Variants in MAMDC2 observed in about 807,000 individuals in gnomAD.
MAMDC2 encodes the protein MAM domain containing 2, also known as MAM domain-containing protein 2.
A neutral mutation model predicts 89.8 loss-of-function variants in MAMDC2; 57 were observed. The observed-to-expected ratio is 0.63, with a 90% CI of 0.51 to 0.79. The LOEUF (loss-of-function observed/expected upper bound fraction) is 0.79, where lower values mean the gene tolerates loss of function less well. Among genes scored for constraint, MAMDC2 ranks in the 30% least tolerant of loss-of-function variants. The pLI is 0.00. For synonymous variants in MAMDC2, 313 were observed against 293.4 expected (o/e 1.07, Z -0.68); for missense variants, 800 against 820.6 (o/e 0.97, Z 0.31).
intron 2 of MAMDC2, among the ~76,000 whole-genome samples, chr9:70,063,419 G>T (rs748834410): frequency 2.6e-5 from 4 of 152,140 alleles, no homozygotes; most frequent in African/African-American, 7.2e-5. Context: ...AATGAGAGAT[G>T]GAGTGAGCAT....
At chr9:70,074,883 T>A (rs1041147388) in intron 2 of MAMDC2, among the ~76,000 whole-genome samples, 2 of 152,246 alleles carry the variant, frequency 1.3e-5, no homozygotes, top group African/African-American at 4.8e-5. Flanking sequence ...CCTTGAATTA[T>A]GTAGCCTGTC....
At chr9:70,201,822 T>A (rs931175593) in intron 11 of MAMDC2, among the ~76,000 whole-genome samples, 1 of 145,168 alleles carries the variant, frequency 6.9e-6, no homozygotes, top group Non-Finnish European at 1.5e-5. Context: ...TTCTTCTAGA[T>A]TTTCTAGTTT....
intron 2 of MAMDC2, among the ~76,000 whole-genome samples, chr9:70,097,678 T>C (rs1828064585): frequency 1.3e-5 from 2 of 152,168 alleles, no homozygotes; most frequent in Admixed American, 6.5e-5. Flanking sequence ...CAATTACAGA[T>C]AATTTTGCCC....
At chr9:70,178,422 C>G (rs1400902379) in intron 11 of MAMDC2, among the ~76,000 whole-genome samples, 1 of 152,192 alleles carries the variant, frequency 6.6e-6, no homozygotes, top group Non-Finnish European at 1.5e-5. Flanking sequence ...GCAGTGCCCC[C>G]ATGACCCAAA....
chr9:70,208,178 G>C (rs915780501), intron 11 of MAMDC2, among the ~76,000 whole-genome samples: 1 of 152,188 alleles, frequency 6.6e-6, no homozygotes, highest in Non-Finnish European at 1.5e-5. Flanking sequence ...GAAAGTCATT[G>C]GTAGCTTGAT....
intron 2 of MAMDC2, among the ~76,000 whole-genome samples, chr9:70,106,226 G>T (rs1478945346): frequency 2.0e-5 from 3 of 152,146 alleles, no homozygotes; most frequent in Non-Finnish European, 4.4e-5. Flanking sequence ...GAAAAGGGGA[G>T]GGAGAGAAAA....
At chr9:70,166,278 C>T (rs10868645) in intron 9 of MAMDC2, among the ~76,000 whole-genome samples, 91,967 of 128,210 alleles carry the variant, frequency 0.72, 32,158 homozygotes, top group Admixed American at 0.77. Context: ...TATATATATA[C>T]ACACACACAC....
At chr9:70,153,541 C>A (rs1212337982) in intron 9 of MAMDC2, 2 of 152,184 alleles carry the variant, frequency 1.3e-5, no homozygotes, top group Non-Finnish European at 2.9e-5. Flanking sequence ...ATTAGAAGCA[C>A]TGGGAGGAAC....
At chr9:70,116,242 T>C (rs2118292236) in intron 5 of MAMDC2, among the ~76,000 whole-genome samples, 1 of 152,308 alleles carries the variant, frequency 6.6e-6, no homozygotes, top group African/African-American at 2.4e-5. Flanking sequence ...GGAGAACATA[T>C]ATTTCTTGGA....
chr9:70,132,155 T>C lies in MAMDC2; in HGVS notation c.994+543T>C, dbSNP rs946700632. ...ACTTCCAGGATGAACCCTCAAATTA[T>C]TTTATCATGATCAGTTTTGAGATTT... On this transcript the variant is annotated intron_variant, in intron 7 of 13. Coordinates refer to ENST00000377182, the MANE Select transcript of MAMDC2 (RefSeq NM_153267.5). Among the ~76,000 whole-genome samples the C allele has an allele frequency of 7.2e-5, 11 of 152,350 alleles. No homozygotes were observed. In the South Asian group the frequency reaches 2.3e-3, roughly 32 times the overall value.
At position 70,055,657 on chromosome 9, in the gene MAMDC2, T is replaced by C. The variant is rs151141301; in HGVS notation, c.148+10960T>C. Among the ~76,000 whole-genome samples, 589 of 152,270 alleles carry C rather than the reference T, an allele frequency of 3.9e-3. 2 individuals carry two copies. The highest frequency in any genetic ancestry group is 0.014 in the African/African-American group (563 of 41,564). On this transcript the variant is annotated intron_variant, in intron 2 of 13. Coordinates refer to ENST00000377182, the MANE Select transcript of MAMDC2 (RefSeq NM_153267.5). Reference sequence around the variant, plus strand: ...GTGTCTCCCGGGCAGTGGTGAGCCTTTGGAAGGCATCAAGTAGAGACAGAG... The same window carrying C: ...GTGTCTCCCGGGCAGTGGTGAGCCTCTGGAAGGCATCAAGTAGAGACAGAG...
In MAMDC2 at chr9:70,123,706, C is replaced by T. The variant is rs116109887; in HGVS notation, c.644-2453C>T. Reference sequence around the variant, plus strand: ...GGGTGGGCCTCCAATCCAATATGACCGCAGTCCTTATTAAAAGGGGAACTT... The same window carrying T: ...GGGTGGGCCTCCAATCCAATATGACTGCAGTCCTTATTAAAAGGGGAACTT... On this transcript the variant is annotated intron_variant, in intron 5 of 13. Coordinates refer to ENST00000377182, the MANE Select transcript of MAMDC2 (RefSeq NM_153267.5). Among the ~76,000 whole-genome samples the T allele has an allele frequency of 7.9e-3, 1,200 of 152,120 alleles. 8 individuals carry two copies. Among genetic ancestry groups the T allele is most frequent in the African/African-American group, 0.027 (1,139 of 41,468 alleles).
intron 11 of MAMDC2, among the ~76,000 whole-genome samples, chr9:70,200,229 T>C (rs2033072669): frequency 1.3e-5 from 2 of 151,762 alleles, no homozygotes; most frequent in Admixed American, 1.3e-4. Flanking sequence ...GATTTTTGTA[T>C]AAGGTGTAAG....
intron 9 of MAMDC2, among the ~76,000 whole-genome samples, chr9:70,162,767 G>A (rs1209559535): frequency 1.3e-5 from 2 of 152,066 alleles, no homozygotes; most frequent in Admixed American, 6.6e-5. Context: ...ACAGGCATGA[G>A]CCATGGCACC....
At chr9:70,119,077 A>G (rs1048315150) in intron 5 of MAMDC2, among the ~76,000 whole-genome samples, 6 of 151,930 alleles carry the variant, frequency 3.9e-5, no homozygotes, top group African/African-American at 1.5e-4. Flanking sequence ...ATTCTGATTC[A>G]TCACATATGG....
In MAMDC2 at chr9:70,202,524, A is replaced by G. The variant is rs915309802; in HGVS notation, c.1652-15813A>G. Among the ~76,000 whole-genome samples the G allele has an allele frequency of 6.0e-5, 9 of 151,026 alleles. 1 individual carries two copies. The South Asian group carries it at 1.1e-3, about 18-fold the overall frequency. On this transcript the variant is annotated intron_variant, in intron 11 of 13. Coordinates refer to ENST00000377182, the MANE Select transcript of MAMDC2 (RefSeq NM_153267.5). ...GTGGTGTGGTGCTGAAAAAAAATGTATATTCTGTTGATTTGGGGTGGAGAG... is the reference window on the plus strand; with the variant it reads ...GTGGTGTGGTGCTGAAAAAAAATGTGTATTCTGTTGATTTGGGGTGGAGAG...
At chr9:70,064,358 G>T (rs965593944) in intron 2 of MAMDC2, among the ~76,000 whole-genome samples, 1 of 151,972 alleles carries the variant, frequency 6.6e-6, no homozygotes, top group African/African-American at 2.4e-5. Context: ...TCACTCTTAT[G>T]CCTGTGCGTC....
chr9:70,061,478 G>A (rs559952577), intron 2 of MAMDC2, among the ~76,000 whole-genome samples: 1 of 152,144 alleles, frequency 6.6e-6, no homozygotes, highest in South Asian at 2.1e-4. Flanking sequence ...CCTCCTATTA[G>A]GCTCTAGAGG....
chr9:70,224,909 T>C (rs950563026), intron 12 of MAMDC2, among the ~76,000 whole-genome samples: 2 of 152,228 alleles, frequency 1.3e-5, no homozygotes, highest in South Asian at 4.1e-4. Context: ...TATTATTTAA[T>C]TTATATTCTT....
Sources: gnomAD v4.1 joint callset for allele counts (sites outside exome capture counted in the v4.1 genomes callset) on GRCh38, gnomAD v4.1.1 for gene constraint, MANE v1.5 for transcripts, NCBI Gene and HGNC (gene_info 2026-07-23, HGNC 2026-07-21) for gene names.